Variants in RNF130 observed in about 807,000 individuals in gnomAD.
RNF130 encodes the protein E3 ubiquitin-protein ligase RNF130.
RNF130 carries 21 observed loss-of-function variants against 44.6 expected under a neutral mutation model. The ratio of observed to expected loss-of-function variants is 0.47; its 90% CI spans 0.33 to 0.68. The LOEUF is 0.68. RNF130 is among the 30% of genes least tolerant of loss of function. The probability of loss-of-function intolerance (pLI) is 0.02; values close to 1 mark genes in which losing one functional copy is unlikely to be tolerated. For synonymous variants in RNF130, 214 were observed against 210.4 expected (o/e 1.02, Z -0.15); for missense variants, 479 against 560.6 (o/e 0.85, Z 1.47).
At chr5:180,001,094 T>C (rs1763322642) in intron 3 of RNF130, among the ~76,000 whole-genome samples, 2 of 152,196 alleles carry the variant, frequency 1.3e-5, no homozygotes, top group African/African-American at 2.4e-5. Flanking sequence ...TATTTCTGGA[T>C]AGGTGCAGTG....
intron 8 of RNF130, among the ~76,000 whole-genome samples, chr5:179,959,123 TAA>T (rs1188664403): frequency 6.6e-6 from 1 of 152,008 alleles, no homozygotes; most frequent in Non-Finnish European, 1.5e-5. Context: ...GCAATACGGG[TAA>T]AAGAGACCAG....
At chr5:180,061,447 A>G (rs957095018) in intron 1 of RNF130, among the ~76,000 whole-genome samples, 2 of 152,212 alleles carry the variant, frequency 1.3e-5, no homozygotes, top group African/African-American at 2.4e-5. Flanking sequence ...GGTGGCTTAA[A>G]ACAACATAGT....
At chr5:179,943,948 T>C (rs1761998844) in intron 7 of RNF130, among the ~76,000 whole-genome samples, 1 of 152,074 alleles carries the variant, frequency 6.6e-6, no homozygotes, top group African/African-American at 2.4e-5. Context: ...CCCATGTAAC[T>C]AACCACTTCT....
intron 2 of RNF130, among the ~76,000 whole-genome samples, chr5:180,027,899 C>G (rs954079816): frequency 6.6e-6 from 1 of 152,250 alleles, no homozygotes; most frequent in East Asian, 1.9e-4. Flanking sequence ...AGACTGCACA[C>G]CCCAGTGCAG....
chr5:179,967,306 C>A (rs929650637), intron 6 of RNF130, among the ~76,000 whole-genome samples: 2 of 152,202 alleles, frequency 1.3e-5, no homozygotes, highest in African/African-American at 4.8e-5. Context: ...TAATCATTAA[C>A]ATAAAGATAG....
At chr5:179,948,961 ATTTTTTTTT>A (rs554440602) in intron 7 of RNF130, among the ~76,000 whole-genome samples, 1 of 128,596 alleles carries the variant, frequency 7.8e-6, no homozygotes, top group East Asian at 2.2e-4. Flanking sequence ...CCTTGGAATA[ATTTTTTTTT>A]TTTTTTTTTT....
chr5:179,916,808 T>A (rs1257281265), exon 8 of RNF130: 1 of 152,410 alleles, frequency 6.6e-6, no homozygotes, highest in African/African-American at 2.4e-5. Context: ...CTCTGCCTCC[T>A]GCGCTGGAAG....
intron 3 of RNF130, among the ~76,000 whole-genome samples, chr5:180,008,713 C>G (rs1271872242): frequency 6.6e-6 from 1 of 152,054 alleles, no homozygotes; most frequent in African/African-American, 2.4e-5. Flanking sequence ...AGTGAAACCT[C>G]ATCTCTACCA....
chr5:180,066,314 A>G (rs1582235938), intron 1 of RNF130, among the ~76,000 whole-genome samples: 3 of 152,328 alleles, frequency 2.0e-5, no homozygotes, highest in East Asian at 3.9e-4. Context: ...CCGCCATGTA[A>G]GAAGTACCTT....
chr5:179,968,077 C>CTT (rs1401498255), intron 6 of RNF130, among the ~76,000 whole-genome samples: 8 of 150,724 alleles, frequency 5.3e-5, no homozygotes, highest in Middle Eastern at 3.6e-3. Context: ...GGGCAGATCA[C>CTT]GAGGTCAGGA....
intron 3 of RNF130, 52 bp downstream of exon 3, chr5:180,013,009 G>C: frequency 6.4e-7 from 1 of 1,563,136 alleles, no homozygotes; most frequent in Non-Finnish European, 8.6e-7. Flanking sequence ...CACGACAGAT[G>C]ACTGTGAACT....
At chr5:179,913,055 A>G (rs1175910415) in exon 8 of RNF130, 1 of 152,380 alleles carries the variant, frequency 6.6e-6, no homozygotes, top group East Asian at 1.9e-4. Context: ...TGAGGAGAGC[A>G]AAGATGGGCC....
At chr5:180,053,584 T>C (rs1222204856) in intron 1 of RNF130, among the ~76,000 whole-genome samples, 4 of 152,178 alleles carry the variant, frequency 2.6e-5, no homozygotes, top group Non-Finnish European at 4.4e-5. Flanking sequence ...CCAGTAATGA[T>C]AGGAACAAGC....
intron 7 of RNF130, among the ~76,000 whole-genome samples, chr5:179,948,385 C>A (rs560204259): frequency 6.6e-6 from 1 of 152,154 alleles, no homozygotes; most frequent in East Asian, 1.9e-4. Flanking sequence ...GTTTGTTGCT[C>A]TTGGCCTGGT....
chr5:180,068,953 C>T (rs1022208881), intron 1 of RNF130, among the ~76,000 whole-genome samples: 2 of 152,084 alleles, frequency 1.3e-5, no homozygotes, highest in African/African-American at 4.8e-5. Flanking sequence ...ATTATAAGAG[C>T]ATCAAGGTCA....
chr5:179,949,484 T>C (rs539051138), intron 7 of RNF130, among the ~76,000 whole-genome samples: 35 of 151,458 alleles, frequency 2.3e-4, no homozygotes, highest in African/African-American at 8.0e-4. Flanking sequence ...GAAAATACTC[T>C]AGAAAAATAC....
chr5:179,969,906 G>A (rs1283985311), intron 6 of RNF130, among the ~76,000 whole-genome samples: 3 of 152,078 alleles, frequency 2.0e-5, no homozygotes, highest in Admixed American at 6.5e-5. Context: ...CAGGAGAATC[G>A]CTTGAACCTG....
chr5:179,943,549 G>T (rs1168818197), intron 7 of RNF130, among the ~76,000 whole-genome samples: 1 of 152,178 alleles, frequency 6.6e-6, no homozygotes, highest in East Asian at 1.9e-4. Context: ...AGAAAAAGGG[G>T]ATAAAGAGGA....
intron 3 of RNF130, among the ~76,000 whole-genome samples, chr5:179,987,067 C>G (rs557731361): frequency 6.6e-6 from 1 of 152,016 alleles, no homozygotes; most frequent in South Asian, 2.1e-4. Context: ...TGTTTTTTTT[C>G]TACATATGGT....
Sources: allele counts gnomAD v4.1 joint callset (sites outside exome capture counted in the v4.1 genomes callset), GRCh38; gene constraint gnomAD v4.1.1; transcripts MANE v1.5; gene names NCBI Gene and HGNC (gene_info 2026-07-23, HGNC 2026-07-21).